LRRC1: variants seen among roughly 807,000 people sequenced by gnomAD.
LRRC1 encodes the protein leucine rich repeat containing 1.
Under a neutral mutation model 69.9 loss-of-function variants are expected in LRRC1, and 28 were observed. The observed-to-expected ratio is 0.40, with a 90% CI of 0.30 to 0.55. The LOEUF is 0.55. LRRC1 is among the 20% of genes least tolerant of loss of function. LRRC1 has a pLI of 0.47. For synonymous variants in LRRC1, 236 were observed against 240.2 expected (o/e 0.98, Z 0.16); for missense variants, 498 against 609.0 (o/e 0.82, Z 1.92).
Position 53,911,954 on chromosome 6 carries a change from C to G in LRRC1, c.991-1900C>G, listed in dbSNP as rs530389601. 2.1e-4 allele frequency among the ~76,000 whole-genome samples: 32 copies of G among 152,266 alleles called. 2 individuals carry two copies. Among genetic ancestry groups the G allele is most frequent in the African/African-American group, 7.2e-4 (30 of 41,552 alleles). The stretch of plus-strand genomic sequence containing the variant: ...CACACTATATTGGGGCTTGATGTTT[C>G]TAAAACCTAAGAAAGGCTACTCTGG... On this transcript the variant is annotated intron_variant, in intron 10 of 13. Transcript: ENST00000370888.
intron 11 of LRRC1, among the ~76,000 whole-genome samples, chr6:53,916,529 GA>G (rs1034712853): frequency 2.0e-5 from 3 of 150,384 alleles, no homozygotes; most frequent in South Asian, 2.1e-4. Context: ...CCTTAAAAAA[GA>G]AAAAAAAATC....
intron 1 of LRRC1, among the ~76,000 whole-genome samples, chr6:53,807,269 C>A (rs1425185258): frequency 6.6e-6 from 1 of 152,100 alleles, no homozygotes; most frequent in Non-Finnish European, 1.5e-5. Context: ...TCCTGACAGA[C>A]CCTCCCTCCT....
chr6:53,895,434 C>T (rs1167177431), intron 4 of LRRC1, among the ~76,000 whole-genome samples: 1 of 152,096 alleles, frequency 6.6e-6, no homozygotes, highest in South Asian at 2.1e-4. Flanking sequence ...TGTTAGTACA[C>T]GTGATTCTGG....
chr6:53,821,045 G>T (rs1342875833), intron 1 of LRRC1, among the ~76,000 whole-genome samples: 3 of 152,172 alleles, frequency 2.0e-5, no homozygotes, highest in Non-Finnish European at 4.4e-5. Flanking sequence ...GAGCACTTAT[G>T]AATATGTCAC....
At chr6:53,885,714 G>T (rs1480372834) in intron 4 of LRRC1, among the ~76,000 whole-genome samples, 1 of 152,152 alleles carries the variant, frequency 6.6e-6, no homozygotes, top group African/African-American at 2.4e-5. Context: ...ATGGTCAGGG[G>T]TACTCAGACT....
chr6:53,912,725 A>G (rs1464331911), intron 10 of LRRC1, among the ~76,000 whole-genome samples: 4 of 152,250 alleles, frequency 2.6e-5, no homozygotes, highest in Non-Finnish European at 4.4e-5. Flanking sequence ...TTATACATAT[A>G]TTAAACACAT....
At chr6:53,821,378 A>G (rs1324200331) in intron 1 of LRRC1, among the ~76,000 whole-genome samples, 1 of 152,192 alleles carries the variant, frequency 6.6e-6, no homozygotes, top group Non-Finnish European at 1.5e-5. Flanking sequence ...TCACTAGACA[A>G]ATATTCTTTT....
intron 2 of LRRC1, among the ~76,000 whole-genome samples, chr6:53,858,130 G>C (rs76650906): frequency 6.6e-6 from 1 of 152,156 alleles, no homozygotes; most frequent in Non-Finnish European, 1.5e-5. Context: ...TTAGGACCAG[G>C]GTGGTCTCTG....
At chr6:53,797,956 A>G (rs1451585862) in intron 1 of LRRC1, among the ~76,000 whole-genome samples, 1 of 152,176 alleles carries the variant, frequency 6.6e-6, no homozygotes, top group East Asian at 1.9e-4. Flanking sequence ...TCAAATCTTT[A>G]TTTAGTCTCT....
intron 2 of LRRC1, among the ~76,000 whole-genome samples, chr6:53,850,130 T>C (rs1766081012): frequency 6.6e-6 from 1 of 151,276 alleles, no homozygotes; most frequent in Non-Finnish European, 1.5e-5. Context: ...CTATGCTAAA[T>C]TGTTCTATCC....
intron 2 of LRRC1, among the ~76,000 whole-genome samples, chr6:53,872,293 G>T (rs909903431): frequency 1.3e-5 from 2 of 152,024 alleles, no homozygotes; most frequent in Non-Finnish European, 2.9e-5. Flanking sequence ...GGTTTTTGGG[G>T]AACAGGTGGT....
rs1270505154 is a variant in LRRC1 at position 53,795,363 on chromosome 6, G to A, written c.107G>A (p.Arg36Gln). 6.2e-7 allele frequency: 1 copy of A among 1,613,684 alleles called. No homozygotes were observed. The highest frequency in any genetic ancestry group is 8.5e-7 in the Non-Finnish European group (1 of 1,179,970). Residue 36 changes from arginine (R) to glutamine (Q), a missense_variant, in exon 1 of 14, where the codon CGG becomes CAG. This residue lies in a region of LRRC1 where 70 missense variants were observed against 62.1 expected (regional missense o/e 1.13). Transcript: ENST00000370888. ...CCCGAGGAGATCTACCGCTATGCCC[G>A]GAGCCTGGAGGAGCTGCTGCTGGAC... is the stretch of plus-strand genomic sequence containing the variant. ...YVPEEIYRYA[R>Q]SLEELLLDAN...
rs370704642 is a variant in LRRC1, at chr6:53,922,842, C to T, written c.*49C>T. The T allele has an allele frequency of 1.8e-5, 28 of 1,572,734 alleles. No individual in the cohort carries two copies. The highest frequency in any genetic ancestry group is 2.7e-5 in the African/African-American group (2 of 74,120). The stretch of plus-strand genomic sequence containing the variant: ...CCTGTGTCTTCCTCTGCTGTCGAGA[C>T]GTTCCTGTCTGCTTCCCGGGAGCCT... On this transcript the variant is annotated 3_prime_UTR_variant, in exon 14 of 14. Coordinates refer to ENST00000370888, the MANE Select transcript of LRRC1 (RefSeq NM_018214.5).
At position 53,906,879 on chromosome 6, in the gene LRRC1, A is replaced by C. The variant is rs552909476; in HGVS notation, c.990+2417A>C. On this transcript the variant is annotated intron_variant, in intron 10 of 13. Transcript: ENST00000370888. Reference sequence around the variant, plus strand: ...GGTTTTTAGGAGTTGGATCTTTTCTAGATCACCTCCTACTTACATACACTC... The same window carrying C: ...GGTTTTTAGGAGTTGGATCTTTTCTCGATCACCTCCTACTTACATACACTC... Among the ~76,000 whole-genome samples, 5 of 152,338 alleles carry C rather than the reference A, an allele frequency of 3.3e-5. No homozygotes were observed. In the South Asian group the frequency reaches 1.0e-3, roughly 32 times the overall value.
At chr6:53,824,699 T>C (rs151199379) in intron 1 of LRRC1, among the ~76,000 whole-genome samples, 317 of 152,344 alleles carry the variant, frequency 2.1e-3, no homozygotes, top group Non-Finnish European at 3.2e-3. Context: ...TAGTTAATTA[T>C]AGGCCAAAAT....
chr6:53,850,386 G>A (rs1301834578), intron 2 of LRRC1, among the ~76,000 whole-genome samples: 1 of 152,114 alleles, frequency 6.6e-6, no homozygotes, highest in East Asian at 1.9e-4. Flanking sequence ...TTCTCAGTTG[G>A]GTTGTCATTT....
intron 2 of LRRC1, among the ~76,000 whole-genome samples, chr6:53,852,763 A>T (rs905609523): frequency 2.6e-5 from 4 of 152,194 alleles, no homozygotes; most frequent in Non-Finnish European, 4.4e-5. Flanking sequence ...AAACTGGAAA[A>T]AGTGATCCTA....
intron 9 of LRRC1, among the ~76,000 whole-genome samples, chr6:53,903,658 A>G (rs1164842886): frequency 6.6e-6 from 1 of 152,112 alleles, no homozygotes; most frequent in African/African-American, 2.4e-5. Context: ...AGGGACAGCA[A>G]GAAAGGATGG....
chr6:53,834,344 C>T (rs921117004), intron 1 of LRRC1, among the ~76,000 whole-genome samples: 6 of 152,174 alleles, frequency 3.9e-5, no homozygotes, highest in African/African-American at 1.4e-4. Context: ...TTAGCATGCT[C>T]TTTTCTTCCG....
Sources: allele counts gnomAD v4.1 joint callset (sites outside exome capture counted in the v4.1 genomes callset), GRCh38; gene constraint gnomAD v4.1.1; regional missense constraint gnomAD v4.1.1; transcripts MANE v1.5; gene names NCBI Gene and HGNC (gene_info 2026-07-23, HGNC 2026-07-21).